Variants in SYCP1 observed in about 807,000 individuals in gnomAD.
The protein encoded by SYCP1 is synaptonemal complex protein 1.
Under a neutral mutation model 153.1 loss-of-function variants are expected in SYCP1, and 64 were observed. The ratio of observed to expected loss-of-function variants is 0.42; its 90% CI spans 0.34 to 0.51. The LOEUF (loss-of-function observed/expected upper bound fraction) is 0.51, where lower values mean the gene tolerates loss of function less well. SYCP1 is among the 20% of genes least tolerant of loss of function. The pLI is 0.06. For missense variants in SYCP1, 997 were observed against 1,049.0 expected (o/e 0.95, Z 0.68); for synonymous variants, 384 against 341.8 (o/e 1.12, Z -1.36).
intron 11 of SYCP1, among the ~76,000 whole-genome samples, chr1:114,877,172 A>T (rs186176339): frequency 2.2e-4 from 33 of 152,264 alleles, no homozygotes; most frequent in African/African-American, 7.7e-4. Flanking sequence ...TTGTTTTGAA[A>T]TGTGCTATTC....
intron 8 of SYCP1, among the ~76,000 whole-genome samples, chr1:114,868,303 T>A (rs1295860922): frequency 6.6e-6 from 1 of 152,020 alleles, no homozygotes; most frequent in Non-Finnish European, 1.5e-5. Flanking sequence ...TGCACCCAGA[T>A]AATTTTTAAA....
chr1:114,901,875 C>T (rs1385593808), intron 16 of SYCP1, among the ~76,000 whole-genome samples: 1 of 152,204 alleles, frequency 6.6e-6, no homozygotes, highest in Non-Finnish European at 1.5e-5. Context: ...GATGAGACAG[C>T]TTAGATGCTG....
Position 114,895,496 on chromosome 1 carries a change from T to A in SYCP1, c.1307T>A (p.Leu436Ter). 2 of 1,519,640 alleles carry A rather than the reference T, an allele frequency of 1.3e-6. No homozygotes were observed. The highest frequency in any genetic ancestry group is 1.8e-6 in the Non-Finnish European group (2 of 1,116,300). The allele number at this position is 1,519,640 out of a possible 1,614,324, so 94.1% of individuals were successfully genotyped here. The change falls in exon 16 of 32, where the codon TTG (leucine) becomes TAG (stop). Residue 436 changes from leucine to a stop codon, truncating the protein, a stop_gained. Coordinates refer to ENST00000369522, the MANE Select transcript of SYCP1 (RefSeq NM_003176.4). LOFTEE classifies it high-confidence loss of function. ...TNNKEVELEE[L>*]KKVLGEKETL... ...AACAAAGAAGTAGAACTTGAAGAAT[T>A]GAAAAAAGTCTTGGTAAGTATAGTC... is the stretch of plus-strand genomic sequence containing the variant.
chr1:114,904,968 A>G (rs1348642326), intron 16 of SYCP1, among the ~76,000 whole-genome samples: 1 of 152,228 alleles, frequency 6.6e-6, no homozygotes, highest in Non-Finnish European at 1.5e-5. Flanking sequence ...TCTTTAGACC[A>G]TTAATGTGGT....
chr1:114,883,306 T>C (rs1340416764), intron 12 of SYCP1, among the ~76,000 whole-genome samples: 3 of 152,204 alleles, frequency 2.0e-5, no homozygotes, highest in Non-Finnish European at 4.4e-5. Flanking sequence ...GTTTACAAAG[T>C]ATGTGATAAT....
Position 114,857,156 on chromosome 1 carries a change from A to AAAAAAAAAAAAG in SYCP1, c.194-75_194-74insAAAAAAAAAAGA, listed in dbSNP as rs774041717. On this transcript the variant is annotated intron_variant, in intron 3 of 31. Coordinates refer to ENST00000369522, the MANE Select transcript of SYCP1 (RefSeq NM_003176.4). ...TCTCTCAAAAAAAAAAAAAAAAAAA[A>AAAAAAAAAAAAG]AGAGAAAAAAGAAAAAAAAAAAGAA... is the stretch of plus-strand genomic sequence containing the variant. 1.0e-4 allele frequency: 96 copies of AAAAAAAAAAAAG among 921,308 alleles called. 1 individual carries two copies. The highest frequency in any genetic ancestry group is 7.8e-4 in the Middle Eastern group (2 of 2,556). The allele number at this position is 921,308 out of a possible 1,614,324, so 57.1% of individuals were successfully genotyped here.
intron 23 of SYCP1, among the ~76,000 whole-genome samples, chr1:114,928,697 A>G (rs1418674769): frequency 2.0e-5 from 3 of 152,230 alleles, no homozygotes; most frequent in Non-Finnish European, 4.4e-5. Flanking sequence ...AACACAAAGG[A>G]CAGGGGAGTA....
chr1:114,882,829 C>T (rs577248481), intron 12 of SYCP1, among the ~76,000 whole-genome samples: 4 of 152,262 alleles, frequency 2.6e-5, no homozygotes, highest in East Asian at 3.9e-4. Flanking sequence ...TCCTGAACTA[C>T]GCAGGTGATT....
chr1:114,955,658 G>A (rs1378862986), intron 27 of SYCP1, among the ~76,000 whole-genome samples: 5 of 152,166 alleles, frequency 3.3e-5, no homozygotes, highest in Non-Finnish European at 7.3e-5. Context: ...CACCTATCCA[G>A]TCAAAATCTC....
Position 114,981,458 on chromosome 1 carries a change from A to G in SYCP1, c.2505A>G (p.Lys835=). The G allele has an allele frequency of 6.2e-7, 1 of 1,609,052 alleles. No individual in the cohort carries two copies. The highest frequency in any genetic ancestry group is 8.5e-7 in the Non-Finnish European group (1 of 1,178,308). Residue 835 remains lysine (K), a synonymous_variant, in exon 29 of 32, where the codon AAA becomes AAG. Transcript: ENST00000369522. Reference sequence around the variant, plus strand: ...TTGATCATGGCATATCCAAAGATAAAAGAGACTATCTGTGGACATCTGCCA... The same window carrying G: ...TTGATCATGGCATATCCAAAGATAAGAGAGACTATCTGTGGACATCTGCCA... ...TSVDHGISKD[K]RDYLWTSAKN...
chr1:114,970,283 C>T (rs1431634396), intron 27 of SYCP1, among the ~76,000 whole-genome samples: 3 of 151,552 alleles, frequency 2.0e-5, no homozygotes, highest in African/African-American at 7.3e-5. Context: ...TTTATGATAT[C>T]TGTTTCTTCA....
intron 30 of SYCP1, 50 bp from the exon 31 acceptor site, chr1:114,994,648 A>C: frequency 7.4e-7 from 1 of 1,352,950 alleles, no homozygotes. Flanking sequence ...TTAATAATAT[A>C]ATATTAATGA....
At chr1:114,859,907 G>A (rs1054131763) in intron 7 of SYCP1, 97 bp downstream of exon 7, 33 of 370,156 alleles carry the variant, frequency 8.9e-5, no homozygotes, top group Non-Finnish European at 1.2e-4. Flanking sequence ...CTTTCTATAC[G>A]TTATATCATA....
At chr1:114,991,977 C>A (rs1433678620) in intron 30 of SYCP1, among the ~76,000 whole-genome samples, 2 of 151,458 alleles carry the variant, frequency 1.3e-5, no homozygotes, top group African/African-American at 2.4e-5. Flanking sequence ...TATCAACATA[C>A]AAAAATTGAT....
intron 30 of SYCP1, among the ~76,000 whole-genome samples, chr1:114,990,106 C>T (rs1053541745): frequency 2.0e-5 from 3 of 151,884 alleles, no homozygotes; most frequent in Admixed American, 2.0e-4. Flanking sequence ...GGTCACAAAT[C>T]TCATAGGTTT....
intron 13 of SYCP1, 56 bp downstream of exon 13, chr1:114,885,685 C>T (rs1436214300): frequency 2.0e-6 from 2 of 1,021,388 alleles, no homozygotes; most frequent in Non-Finnish European, 2.9e-6. Context: ...AATCAGTCAA[C>T]AAATATTTAT....
Position 114,910,145 on chromosome 1 carries a change from G to A in SYCP1, c.1321-252G>A, listed in dbSNP as rs548212795. Reference sequence around the variant, plus strand: ...TCATAAATATATGCTGTGTTGGATAGTAGAAGGAATGATGAGAAATTAATC... The same window carrying A: ...TCATAAATATATGCTGTGTTGGATAATAGAAGGAATGATGAGAAATTAATC... On this transcript the variant is annotated intron_variant, in intron 16 of 31. Transcript: ENST00000369522. 198 of 246,368 alleles carry A rather than the reference G, an allele frequency of 8.0e-4. 2 individuals are homozygous for A. The highest frequency in any genetic ancestry group is 4.3e-3 in the African/African-American group (189 of 43,584). The allele number at this position is 246,368 out of a possible 1,614,324, so 15.3% of individuals were successfully genotyped here.
intron 23 of SYCP1, among the ~76,000 whole-genome samples, chr1:114,932,514 C>G (rs1415015865): frequency 6.6e-6 from 1 of 152,184 alleles, no homozygotes; most frequent in Non-Finnish European, 1.5e-5. Flanking sequence ...GTGATTTCTG[C>G]ATTTCCAACT....
chr1:114,862,029 G>A (rs1307126271), intron 8 of SYCP1, among the ~76,000 whole-genome samples: 2 of 151,906 alleles, frequency 1.3e-5, no homozygotes, highest in Non-Finnish European at 2.9e-5. Flanking sequence ...TCGACCTCCT[G>A]ACCTCAGGTG....
Sources: gnomAD v4.1 joint callset for allele counts (sites outside exome capture counted in the v4.1 genomes callset) on GRCh38, gnomAD v4.1.1 for gene constraint, MANE v1.5 for transcripts, NCBI Gene and HGNC (gene_info 2026-07-23, HGNC 2026-07-21) for gene names.